GPHN: variants seen among roughly 807,000 people sequenced by gnomAD.
GPHN encodes gephyrin.
In GPHN, 17 loss-of-function variants were observed where a neutral mutation model predicts 95.5. The ratio of observed to expected loss-of-function variants is 0.18; its 90% CI spans 0.12 to 0.27. The LOEUF is 0.27. GPHN is among the 10% of genes least tolerant of loss of function. The pLI is 1.00. For missense variants in GPHN, 660 were observed against 978.1 expected, an observed-to-expected ratio of 0.67 and a Z score of 4.34; for synonymous variants, 320 against 322.5, an observed-to-expected ratio of 0.99 and a Z score of 0.08.
chr14:67,624,978 G>A, the GPHN span, among the ~76,000 whole-genome samples: 1 of 152,142 alleles, frequency 6.6e-6, no homozygotes, highest in Non-Finnish European at 1.5e-5. Context: ...GGCAGTTACT[G>A]CAAAAGGGAG....
At chr14:67,138,909 TTTTTTTTA>T (rs2080271230) in intron 17 of GPHN, among the ~76,000 whole-genome samples, 1 of 145,162 alleles carries the variant, frequency 6.9e-6, no homozygotes, top group Non-Finnish European at 1.5e-5. Context: ...TTTTTTTTTT[TTTTTTTTA>T]AATTATTAAG....
chr14:67,573,165 G>A, the GPHN span: 1 of 673,338 alleles, frequency 1.5e-6, no homozygotes, highest in South Asian at 1.7e-5. This position sits in a 1 kb window ranked among gnomAD's most constrained non-coding sequence, Gnocchi z 4.8. Context: ...CAATAATTTT[G>A]TATTTAATTG....
At chr14:66,608,618 G>A (rs1177385469) in intron 1 of GPHN, among the ~76,000 whole-genome samples, 2 of 152,030 alleles carry the variant, frequency 1.3e-5, no homozygotes, top group African/African-American at 4.8e-5. Flanking sequence ...TGTGGCTATT[G>A]AGGTCTTTTT....
chr14:67,564,162 A>G, the GPHN span, among the ~76,000 whole-genome samples: 1 of 151,580 alleles, frequency 6.6e-6, no homozygotes, highest in Non-Finnish European at 1.5e-5. Context: ...CAGCCTCCCA[A>G]AGTGTAATTT....
the GPHN span, among the ~76,000 whole-genome samples, chr14:67,439,178 G>A: frequency 5.9e-5 from 9 of 152,196 alleles, no homozygotes; most frequent in African/African-American, 1.7e-4. Flanking sequence ...CAGTGTCCCC[G>A]TCTGTGAAAT....
At chr14:66,934,986 AG>A (rs1394310594) in intron 8 of GPHN, among the ~76,000 whole-genome samples, 2 of 152,156 alleles carry the variant, frequency 1.3e-5, no homozygotes, top group Non-Finnish European at 2.9e-5. Context: ...TTCATATTTC[AG>A]TAAAAAAACC....
the GPHN span, chr14:67,316,783 A>T: frequency 1.3e-6 from 2 of 1,489,714 alleles, no homozygotes; most frequent in Non-Finnish European, 1.8e-6. Context: ...AAAAATTCTT[A>T]TCCTTTTATC....
intron 1 of GPHN, among the ~76,000 whole-genome samples, chr14:66,579,202 A>G (rs1471395349): frequency 6.6e-6 from 1 of 151,846 alleles, no homozygotes; most frequent in African/African-American, 2.4e-5. Context: ...GCTACAGTAG[A>G]TACATAGGAG....
intron 8 of GPHN, among the ~76,000 whole-genome samples, chr14:66,936,261 C>A (rs1274541640): frequency 6.6e-6 from 1 of 152,026 alleles, no homozygotes; most frequent in African/African-American, 2.4e-5. Flanking sequence ...CACCTGTAAT[C>A]CCAGCTACTC....
chr14:67,679,792 G>A, the GPHN span, among the ~76,000 whole-genome samples: 1 of 151,946 alleles, frequency 6.6e-6, no homozygotes, highest in Non-Finnish European at 1.5e-5. Flanking sequence ...CTCTGGATCT[G>A]GTATACATCT....
At chr14:66,562,606 C>T (rs1053878230) in intron 1 of GPHN, among the ~76,000 whole-genome samples, 2 of 151,962 alleles carry the variant, frequency 1.3e-5, no homozygotes, top group South Asian at 2.1e-4. Flanking sequence ...ATCCTTTTAA[C>T]CAAAGAATAA....
chr14:67,068,952 AG>A (rs955599543), intron 11 of GPHN, among the ~76,000 whole-genome samples: 2 of 152,038 alleles, frequency 1.3e-5, no homozygotes, highest in Non-Finnish European at 2.9e-5. Flanking sequence ...GTCCTCACCA[AG>A]GTCATACTGG....
chr14:67,630,704 T>C, the GPHN span, among the ~76,000 whole-genome samples: 4 of 152,202 alleles, frequency 2.6e-5, no homozygotes, highest in Admixed American at 2.0e-4. Context: ...TCAGCCTCCA[T>C]AGTAGCTGGG....
chr14:67,304,582 T>C, the GPHN span, among the ~76,000 whole-genome samples: 258 of 152,300 alleles, frequency 1.7e-3, no homozygotes, highest in South Asian at 8.5e-3. Context: ...ATGTCCAGAA[T>C]AGGTAAATCC....
the GPHN span, among the ~76,000 whole-genome samples, chr14:67,597,055 T>G: frequency 2.0e-5 from 3 of 152,240 alleles, no homozygotes. Context: ...GGGCCTGTGG[T>G]CTGGTTTTGT....
the GPHN span, among the ~76,000 whole-genome samples, chr14:67,723,366 T>C: frequency 6.6e-6 from 1 of 152,162 alleles, no homozygotes; most frequent in Non-Finnish European, 1.5e-5. Context: ...CCCAAGTAGT[T>C]GGGAATATAG....
chr14:67,013,015 T>TA (rs2073096924), intron 9 of GPHN, among the ~76,000 whole-genome samples: 1 of 152,168 alleles, frequency 6.6e-6, no homozygotes, highest in African/African-American at 2.4e-5. Context: ...TGTCTACTAC[T>TA]ATTAGAATGT....
intron 8 of GPHN, among the ~76,000 whole-genome samples, chr14:66,964,819 G>A (rs1363458588): frequency 6.6e-6 from 1 of 152,146 alleles, no homozygotes; most frequent in Non-Finnish European, 1.5e-5. Flanking sequence ...TTAGAGAAGA[G>A]AGGGTGAAAA....
chr14:66,740,393 A>G (rs1216417189), intron 2 of GPHN, among the ~76,000 whole-genome samples: 1 of 152,080 alleles, frequency 6.6e-6, no homozygotes, highest in East Asian at 1.9e-4. Context: ...GAATAGTAAG[A>G]TATGTTATTT....
Sources: allele counts gnomAD v4.1 joint callset (sites outside exome capture counted in the v4.1 genomes callset), GRCh38; gene constraint gnomAD v4.1.1; non-coding constraint Gnocchi (gnomAD v3.1); transcripts MANE v1.5; gene names NCBI Gene and HGNC (gene_info 2026-07-23, HGNC 2026-07-21).